ADAMTSL2: variants seen among roughly 807,000 people sequenced by gnomAD.
The protein encoded by ADAMTSL2 is ADAMTS-like protein 2.
A neutral mutation model predicts 117.0 loss-of-function variants in ADAMTSL2; 55 were observed. The ratio of observed to expected loss-of-function variants is 0.47; its 90% CI spans 0.38 to 0.59. The LOEUF is 0.59. ADAMTSL2 is among the 20% of genes least tolerant of loss of function. The probability of loss-of-function intolerance (pLI) is 0.00; values close to 1 mark genes in which losing one functional copy is unlikely to be tolerated. For synonymous variants in ADAMTSL2, 572 were observed against 566.4 expected (o/e 1.01, Z -0.14); for missense variants, 1,182 against 1,354.5 (o/e 0.87, Z 2.00).
At chr9:133,535,887 A>C (rs1206757497) in intron 1 of ADAMTSL2, among the ~76,000 whole-genome samples, 1 of 152,180 alleles carries the variant, frequency 6.6e-6, no homozygotes, top group Non-Finnish European at 1.5e-5. Context: ...GAGGCTGGAC[A>C]GTCCCTTCCA....
At chr9:133,534,679 A>G, upstream of ADAMTSL2, 8 of 1,350,132 alleles carry the variant, frequency 5.9e-6, no homozygotes, top group Non-Finnish European at 7.7e-6. Context: ...ACAGCTATAA[A>G]GGCGGCCGCC....
rs1162441387 is a variant in ADAMTSL2, at chr9:133,534,802, CG to C, written c.-263del. ...GAGGAGGGGAAGGGGAGAGGGAGGC[CG>C]GGCCGCAGCCTCTGCACTCACGCCG... is the stretch of plus-strand genomic sequence containing the variant. On this transcript the variant is annotated 5_prime_UTR_variant, in exon 1 of 19. It introduces an in-frame stop codon into an upstream open reading frame of the 5' UTR. Coordinates refer to ENST00000651351, the MANE Select transcript of ADAMTSL2 (RefSeq NM_014694.4). 12 of 1,485,188 alleles carry C rather than the reference CG, an allele frequency of 8.1e-6. No homozygotes were observed. Among genetic ancestry groups the C allele is most frequent in the Non-Finnish European group, 1.1e-5 (12 of 1,112,500 alleles). 92.0% of individuals were successfully genotyped at this position (1,485,188 alleles called of 1,614,324 possible).
rs1831166888 is a variant in ADAMTSL2 at position 133,573,875 on chromosome 9, G to A, written c.2625G>A (p.Met875Ile). The change falls in exon 18 of 19, where the codon ATG becomes ATA. Residue 875 changes from methionine to isoleucine, a missense_variant. Coordinates refer to ENST00000651351, the MANE Select transcript of ADAMTSL2 (RefSeq NM_014694.4). ...CTKTCGVGVRMRDVKCYQGTD... is the reference protein window; with the variant it reads ...CTKTCGVGVRIRDVKCYQGTD... ...AGACCTGCGGGGTGGGCGTGAGGATGCGAGACGTCAAGTGCTACCAGGGGA... is the reference window on the plus strand; with the variant it reads ...AGACCTGCGGGGTGGGCGTGAGGATACGAGACGTCAAGTGCTACCAGGGGA... 2 of 1,614,036 alleles carry A rather than the reference G, an allele frequency of 1.2e-6. No individual in the cohort carries two copies. The highest frequency in any genetic ancestry group is 3.3e-5 in the Admixed American group (2 of 60,014).
Position 133,554,793 on chromosome 9 carries a change from G to A in ADAMTSL2, c.1276+100G>A. On this transcript the variant is annotated intron_variant, in intron 10 of 18. Transcript: ENST00000651351. This position sits in a 1 kb window ranked among gnomAD's most constrained non-coding sequence, Gnocchi z 5.2. ...TCAGACCCTTTGCAGACCTGCAGAG[G>A]AGGTTCCTAAGAGCTGCCAGCTACC... 8.7e-7 allele frequency: 1 copy of A among 1,150,734 alleles called. No homozygotes were observed. The highest frequency in any genetic ancestry group is 1.2e-6 in the Non-Finnish European group (1 of 836,658). The allele number at this position is 1,150,734 out of a possible 1,614,324, so 71.3% of individuals were successfully genotyped here. A position where few individuals can be genotyped will look rare whatever the true frequency, so the allele number is the denominator to read the frequency against.
chr9:133,566,721 G>T (rs914163504), intron 12 of ADAMTSL2, among the ~76,000 whole-genome samples: 1 of 151,856 alleles, frequency 6.6e-6, no homozygotes, highest in African/African-American at 2.4e-5. Flanking sequence ...GCTGGGTTGG[G>T]TGGGGCGGGG....
At chr9:133,543,015 C>A (rs1424374157) in intron 7 of ADAMTSL2, among the ~76,000 whole-genome samples, 1 of 151,686 alleles carries the variant, frequency 6.6e-6, no homozygotes, top group Non-Finnish European at 1.5e-5. Context: ...ATGATGCGAT[C>A]TCGGCTTTCT....
intron 9 of ADAMTSL2, among the ~76,000 whole-genome samples, chr9:133,549,816 C>T (rs1830441770): frequency 6.6e-6 from 1 of 152,210 alleles, no homozygotes; most frequent in Non-Finnish European, 1.5e-5. Context: ...GAAACTGTTG[C>T]TTCGTCTTTG....
intron 11 of ADAMTSL2, among the ~76,000 whole-genome samples, chr9:133,560,386 G>A (rs1010265606): frequency 2.6e-5 from 4 of 152,210 alleles, no homozygotes; most frequent in African/African-American, 7.2e-5. Flanking sequence ...CCATGGTGGC[G>A]TCCCAGAGCA....
At chr9:133,548,633 T>A (rs901258321) in intron 9 of ADAMTSL2, among the ~76,000 whole-genome samples, 4 of 151,432 alleles carry the variant, frequency 2.6e-5, no homozygotes, top group African/African-American at 9.7e-5. Flanking sequence ...GCCAGCCCCC[T>A]GGGGGTCGCA....
intron 9 of ADAMTSL2, among the ~76,000 whole-genome samples, chr9:133,551,240 G>T (rs1185170784): frequency 6.6e-6 from 1 of 151,724 alleles, no homozygotes; most frequent in Non-Finnish European, 1.5e-5. Context: ...AGGGCATGCC[G>T]ACCCATCTCT....
chr9:133,564,494 C>G (rs889798813), intron 12 of ADAMTSL2, among the ~76,000 whole-genome samples: 1,553 of 3,532 alleles, frequency 0.44, 41 homozygotes, highest in South Asian at 0.48. Context: ...GAGAGGGAGA[C>G]AGAGAGGGAG....
rs2131196346 is a variant in ADAMTSL2 at position 133,575,414 on chromosome 9, A to G, written c.*550A>G. 1 of 164,012 alleles carries G rather than the reference A, an allele frequency of 6.1e-6. No individual in the cohort carries two copies. Among genetic ancestry groups the G allele is most frequent in the East Asian group, 1.8e-4 (1 of 5,648 alleles). 10.2% of individuals were successfully genotyped at this position (164,012 alleles called of 1,614,324 possible). On this transcript the variant is annotated 3_prime_UTR_variant, in exon 19 of 19. Coordinates refer to ENST00000651351, the MANE Select transcript of ADAMTSL2 (RefSeq NM_014694.4). The stretch of plus-strand genomic sequence containing the variant: ...TCCCGCCGCACTTTCTACCCCGGGC[A>G]GAGGCGCTTGCCCACGGGACGTTTG...
Position 133,543,364 on chromosome 9 carries a change from A to G in ADAMTSL2, c.683-1106A>G, listed in dbSNP as rs753259477. On this transcript the variant is annotated intron_variant, in intron 7 of 18. Coordinates refer to ENST00000651351, the MANE Select transcript of ADAMTSL2 (RefSeq NM_014694.4). Reference sequence around the variant, plus strand: ...GCTTCAAGCTTCTATCTTGAAACCCAAAGAAGGGGAAAAATGTTTTAAAAT... The same window carrying G: ...GCTTCAAGCTTCTATCTTGAAACCCGAAGAAGGGGAAAAATGTTTTAAAAT... 2.6e-5 allele frequency among the ~76,000 whole-genome samples: 4 copies of G among 152,334 alleles called. No homozygotes were observed. In the East Asian group the frequency reaches 7.7e-4, roughly 29 times the overall value.
intron 12 of ADAMTSL2, among the ~76,000 whole-genome samples, chr9:133,565,213 T>C (rs1588306290): frequency 2.0e-5 from 3 of 152,010 alleles, no homozygotes; most frequent in Admixed American, 1.3e-4. Context: ...ATGGGTGTCA[T>C]GAAGAGGGTG....
At chr9:133,536,215 T>C (rs1176598847) in intron 1 of ADAMTSL2, among the ~76,000 whole-genome samples, 1 of 152,190 alleles carries the variant, frequency 6.6e-6, no homozygotes, top group Non-Finnish European at 1.5e-5. Context: ...CAGAGGCCAT[T>C]CTCCTGCGAG....
chr9:133,534,481 G>T, upstream of ADAMTSL2: 1 of 390,572 alleles, frequency 2.6e-6, no homozygotes, highest in Non-Finnish European at 4.4e-6. Flanking sequence ...CCCCAGTTCT[G>T]GACCCGGGAA....
At chr9:133,562,369 G>C (rs1830748062) in intron 12 of ADAMTSL2, among the ~76,000 whole-genome samples, 1 of 152,266 alleles carries the variant, frequency 6.6e-6, no homozygotes, top group Non-Finnish European at 1.5e-5. Flanking sequence ...CATGGGGCAT[G>C]CTGTGTTCGC....
intron 9 of ADAMTSL2, among the ~76,000 whole-genome samples, chr9:133,549,150 C>T (rs1830425493): frequency 2.7e-5 from 1 of 36,442 alleles, no homozygotes; most frequent in Admixed American, 1.8e-4. Flanking sequence ...TACAGGCGTC[C>T]GCCACTACGC....
chr9:133,538,490 G>C, intron 4 of ADAMTSL2, 66 bp downstream of exon 4: 1 of 1,572,430 alleles, frequency 6.4e-7, no homozygotes, highest in South Asian at 1.1e-5. Flanking sequence ...TTTTCAGGGG[G>C]TCTTCCAGGT....
Sources: gnomAD v4.1 joint callset for allele counts (sites outside exome capture counted in the v4.1 genomes callset) on GRCh38, gnomAD v4.1.1 for gene constraint, Gnocchi (gnomAD v3.1) non-coding constraint, MANE v1.5 for transcripts, NCBI Gene and HGNC (gene_info 2026-07-23, HGNC 2026-07-21) for gene names.